NRXN3: variants seen among roughly 807,000 people sequenced by gnomAD.
NRXN3 encodes neurexin III.
A neutral mutation model predicts 137.6 loss-of-function variants in NRXN3; 32 were observed. That is an observed-to-expected ratio of 0.23 (90% CI 0.18 to 0.31). The LOEUF is 0.31. Among genes scored for constraint, NRXN3 ranks in the 10% least tolerant of loss-of-function variants. The pLI is 1.00. For synonymous variants in NRXN3, 798 were observed against 784.5 expected, an observed-to-expected ratio of 1.02 and a Z score of -0.29; for missense variants, 1,574 against 2,062.5, an observed-to-expected ratio of 0.76 and a Z score of 4.59.
At chr14:78,998,081 A>T (rs1259824128) in intron 15 of NRXN3, among the ~76,000 whole-genome samples, 3 of 152,124 alleles carry the variant, frequency 2.0e-5, no homozygotes, top group African/African-American at 7.2e-5. Flanking sequence ...AGCAGTCTTA[A>T]ATCTCACAGT....
chr14:78,178,059 T>A (rs1008204735), intron 1 of NRXN3: 1 of 152,286 alleles, frequency 6.6e-6, no homozygotes, highest in Non-Finnish European at 1.5e-5. Context: ...TTATCATCTC[T>A]GTCTTACAAA....
At chr14:79,535,719 C>A (rs994685131) in intron 16 of NRXN3, among the ~76,000 whole-genome samples, 1 of 152,096 alleles carries the variant, frequency 6.6e-6, no homozygotes, top group African/African-American at 2.4e-5. Context: ...GAAACTGAAG[C>A]TCACGGAGGT....
At chr14:78,628,595 T>G (rs1369414774) in intron 4 of NRXN3, among the ~76,000 whole-genome samples, 2 of 152,182 alleles carry the variant, frequency 1.3e-5, no homozygotes, top group Admixed American at 1.3e-4. Context: ...TTAACTATGT[T>G]TATTTGGCTC....
chr14:78,499,851 C>T (rs1162979158), intron 4 of NRXN3, among the ~76,000 whole-genome samples: 1 of 152,052 alleles, frequency 6.6e-6, no homozygotes, highest in African/African-American at 2.4e-5. Context: ...GGCAGCTTCA[C>T]CAAAGTCATG....
intron 10 of NRXN3, among the ~76,000 whole-genome samples, chr14:78,883,169 C>T (rs1297466583): frequency 6.6e-6 from 1 of 152,140 alleles, no homozygotes; most frequent in Non-Finnish European, 1.5e-5. Flanking sequence ...TACCCAGTCT[C>T]AGGTATTTCT....
chr14:79,015,578 C>A (rs1015024685), intron 15 of NRXN3, among the ~76,000 whole-genome samples: 1 of 152,142 alleles, frequency 6.6e-6, no homozygotes, highest in Non-Finnish European at 1.5e-5. Flanking sequence ...GAACTCCCAA[C>A]CCAAAGTAAA....
At chr14:79,262,348 A>AGGAAGAAAAAGAAGGATAAGC (rs1266573365) in intron 15 of NRXN3, among the ~76,000 whole-genome samples, 2 of 151,986 alleles carry the variant, frequency 1.3e-5, no homozygotes, top group African/African-American at 4.8e-5. Flanking sequence ...GAGAAGCATG[A>AGGAAGAAAAAGAAGGATAAGC]GGAAGAAAAA....
At chr14:78,319,744 G>A (rs913862794) in intron 4 of NRXN3, among the ~76,000 whole-genome samples, 2 of 152,166 alleles carry the variant, frequency 1.3e-5, no homozygotes, top group Admixed American at 6.6e-5. Context: ...ACTTTACTCT[G>A]CAAATGCAAT....
intron 10 of NRXN3, among the ~76,000 whole-genome samples, chr14:78,956,685 A>G (rs1458570183): frequency 6.6e-6 from 1 of 152,158 alleles, no homozygotes; most frequent in Admixed American, 6.5e-5. Context: ...CAGTATTACT[A>G]TTGTAATGCT....
intron 15 of NRXN3, among the ~76,000 whole-genome samples, chr14:79,394,449 A>C (rs2094953825): frequency 6.6e-6 from 1 of 152,234 alleles, no homozygotes; most frequent in South Asian, 2.1e-4. Context: ...TCATACAGCT[A>C]GGAATGGTAG....
intron 15 of NRXN3, among the ~76,000 whole-genome samples, chr14:79,160,753 C>A (rs370139377): frequency 6.1e-4 from 93 of 152,000 alleles, no homozygotes; most frequent in African/African-American, 2.2e-3. Context: ...ACTTAAGAGG[C>A]TTCACGTGTT....
chr14:78,526,679 G>A lies in NRXN3; in HGVS notation c.758-118441G>A, dbSNP rs567664201. ...TTAACTGAATGCTTACTTGTGCACC[G>A]TGCACTAGGGTAAGCACTTTCGTGC... On this transcript the variant is annotated intron_variant, in intron 4 of 20. Coordinates refer to ENST00000335750, the MANE Select transcript of NRXN3 (RefSeq NM_001330195.2). 1.9e-4 allele frequency: 91 copies of A among 490,886 alleles called. 1 individual carries two copies. Among genetic ancestry groups the A allele is most frequent in the African/African-American group, 1.3e-3 (66 of 51,264 alleles). The allele number at this position is 490,886 out of a possible 1,614,324, so 30.4% of individuals were successfully genotyped here. A position where few individuals can be genotyped will look rare whatever the true frequency, so the allele number is the denominator to read the frequency against.
intron 20 of NRXN3, among the ~76,000 whole-genome samples, chr14:79,818,345 G>A (rs1025899008): frequency 1.3e-5 from 2 of 152,184 alleles, no homozygotes; most frequent in South Asian, 2.1e-4. Flanking sequence ...GAGCCACCGC[G>A]CCCGGCCGCA....
intron 10 of NRXN3, among the ~76,000 whole-genome samples, chr14:78,850,608 T>C (rs1290741375): frequency 1.3e-5 from 2 of 152,188 alleles, no homozygotes; most frequent in Non-Finnish European, 2.9e-5. Context: ...AAATGTTGTA[T>C]GTTTTTTATA....
intron 15 of NRXN3, among the ~76,000 whole-genome samples, chr14:79,380,704 T>C (rs1490191314): frequency 9.2e-5 from 14 of 152,168 alleles, no homozygotes; most frequent in Non-Finnish European, 1.5e-5. Context: ...ATCCTTTGGG[T>C]ATATACCCAG....
chr14:79,410,533 C>T (rs960667431), intron 15 of NRXN3, among the ~76,000 whole-genome samples: 2 of 151,580 alleles, frequency 1.3e-5, no homozygotes, highest in African/African-American at 4.8e-5. Flanking sequence ...CCAAAATATC[C>T]AGAAGGACAA....
intron 15 of NRXN3, among the ~76,000 whole-genome samples, chr14:79,281,486 G>A (rs866142263): frequency 6.6e-6 from 1 of 152,100 alleles, no homozygotes; most frequent in Non-Finnish European, 1.5e-5. Context: ...AAAGAAAGGA[G>A]CTTCTTAATT....
At chr14:78,258,324 G>C (rs150375029) in intron 2 of NRXN3, among the ~76,000 whole-genome samples, 1 of 152,072 alleles carries the variant, frequency 6.6e-6, no homozygotes, top group Non-Finnish European at 1.5e-5. Context: ...GTGAAGATGA[G>C]AGAGGAGTAA....
chr14:79,460,486 A>T (rs1405431426), intron 15 of NRXN3, among the ~76,000 whole-genome samples: 1 of 152,124 alleles, frequency 6.6e-6, no homozygotes, highest in African/African-American at 2.4e-5. Flanking sequence ...CATCGGGCAG[A>T]AAAAGGGTCT....
Sources: gnomAD v4.1 joint callset for allele counts (sites outside exome capture counted in the v4.1 genomes callset) on GRCh38, gnomAD v4.1.1 for gene constraint, MANE v1.5 for transcripts, NCBI Gene and HGNC (gene_info 2026-07-23, HGNC 2026-07-21) for gene names.